The following COL4A6 variants were observed in gnomAD, a reference collection of about 807,000 sequenced individuals.
COL4A6 encodes the protein collagen type IV alpha 6 chain, also known as collagen alpha-6(IV) chain.
In COL4A6, 59 loss-of-function variants were observed where a neutral mutation model predicts 126.7. That is an observed-to-expected ratio of 0.47 (90% CI 0.38 to 0.58). The LOEUF is 0.58. COL4A6 is among the 20% of genes least tolerant of loss of function. COL4A6 has a pLI of 0.00. For synonymous variants in COL4A6, 547 were observed against 496.6 expected (o/e 1.10, Z -1.35); for missense variants, 1,285 against 1,337.3 (o/e 0.96, Z 0.61).
chrX:108,392,665 G>C (rs2040863831), intron 2 of COL4A6, among the ~76,000 whole-genome samples: 1 of 111,313 alleles, frequency 9.0e-6, no homozygotes, highest in African/African-American at 3.3e-5. Flanking sequence ...CCCAAGGTAA[G>C]GATATTAGGA....
intron 3 of COL4A6, among the ~76,000 whole-genome samples, chrX:108,279,430 C>A (rs1474703048): frequency 8.9e-6 from 1 of 111,952 alleles, no homozygotes; most frequent in East Asian, 2.8e-4. Flanking sequence ...ATCAATTCAA[C>A]AAGAAGAGCT....
rs200326654 is a variant in COL4A6 at position 108,162,996 on chromosome X, G to A, written c.4112C>T (p.Ala1371Val). Residue 1371 changes from alanine to valine, a missense_variant, in exon 41 of 45, where the codon GCA becomes GTA. Transcript: ENST00000334504. Reference sequence around the variant, plus strand: ...TCCAGGAGGAACCTGGACAGCTTCTGCAGTTGGTGTTTGTCCAGGATCACC... The same window carrying A: ...TCCAGGAGGAACCTGGACAGCTTCTACAGTTGGTGTTTGTCCAGGATCACC... The part of the protein sequence containing the change: ...LQGDPGQTPT[A>V]EAVQVPPGPL... 1.7e-6 allele frequency: 2 copies of A among 1,198,695 alleles called. No homozygotes were observed. The highest frequency in any genetic ancestry group is 2.2e-6 in the Non-Finnish European group (2 of 890,751).
chrX:108,427,393 A>C (rs2064105572), intron 2 of COL4A6, among the ~76,000 whole-genome samples: 1 of 112,325 alleles, frequency 8.9e-6, no homozygotes, highest in African/African-American at 3.2e-5. Flanking sequence ...ACAGAAAGAC[A>C]AAAGAAGAGG....
chrX:108,176,743 C>A, intron 28 of COL4A6, 98 bp downstream of exon 28: 1 of 936,173 alleles, frequency 1.1e-6, no homozygotes, highest in South Asian at 2.4e-5. Context: ...AAGTCCCTCC[C>A]CATTTCCCAT....
chrX:108,165,262 C>T (rs1490308540), intron 38 of COL4A6, 108 bp downstream of exon 38: 14 of 787,105 alleles, frequency 1.8e-5, no homozygotes, highest in Admixed American at 1.5e-4. Flanking sequence ...AAGCCAAACA[C>T]GCCCACATAT....
chrX:108,368,971 A>T (rs2040265576), intron 2 of COL4A6, among the ~76,000 whole-genome samples: 1 of 111,807 alleles, frequency 8.9e-6, no homozygotes, highest in African/African-American at 3.3e-5. Context: ...TTTACAGTAA[A>T]CTTTTTTGTT....
chrX:108,308,997 C>T (rs980776102), intron 3 of COL4A6, among the ~76,000 whole-genome samples: 3 of 111,269 alleles, frequency 2.7e-5, no homozygotes, highest in African/African-American at 3.3e-5. Context: ...CTTAAGGACA[C>T]GTTAAGTTTA....
intron 3 of COL4A6, among the ~76,000 whole-genome samples, chrX:108,231,956 G>T (rs1326281195): frequency 8.9e-6 from 1 of 111,865 alleles, no homozygotes; most frequent in African/African-American, 3.3e-5. Flanking sequence ...TGGTCAGTGG[G>T]TAATGGTTAG....
chrX:108,277,496 C>G (rs774494846), intron 3 of COL4A6, among the ~76,000 whole-genome samples: 1 of 112,642 alleles, frequency 8.9e-6, no homozygotes, highest in Admixed American at 9.3e-5. Flanking sequence ...GAAGCTCGAA[C>G]TGGGTGGAGC....
intron 13 of COL4A6, among the ~76,000 whole-genome samples, chrX:108,198,939 G>C (rs745539636): frequency 2.1e-4 from 23 of 111,201 alleles, no homozygotes; most frequent in African/African-American, 6.9e-4. Flanking sequence ...CTAGTCCCTT[G>C]AACAGAGGGC....
intron 22 of COL4A6, 68 bp from the exon 23 acceptor site, chrX:108,187,347 C>T (rs1233462747): frequency 1.1e-6 from 1 of 898,376 alleles, no homozygotes; most frequent in African/African-American, 2.0e-5. Flanking sequence ...CCTCTGACTA[C>T]AGGAAAGAGG....
At chrX:108,193,912 A>G (rs1386703011) in intron 16 of COL4A6, among the ~76,000 whole-genome samples, 1 of 112,854 alleles carries the variant, frequency 8.9e-6, no homozygotes, top group Non-Finnish European at 1.9e-5. Flanking sequence ...TTCAATTGGA[A>G]ACCTGTCAAG....
At position 108,194,602 on chromosome X, in the gene COL4A6, T is replaced by C. The variant is rs1357961136; in HGVS notation, c.949-15A>G. ...CCTTTCTTGCCCTGTGACAGAAACATAGTTACCACTAAGTGGAAAGTATGA... is the reference window on the plus strand; with the variant it reads ...CCTTTCTTGCCCTGTGACAGAAACACAGTTACCACTAAGTGGAAAGTATGA... On this transcript the variant is annotated splice_polypyrimidine_tract_variant and intron_variant, in intron 15 of 44. Transcript: ENST00000334504. 8.3e-7 allele frequency: 1 copy of C among 1,198,748 alleles called. No homozygotes were observed. Among genetic ancestry groups the C allele is most frequent in the African/African-American group, 1.8e-5 (1 of 56,761 alleles).
chrX:108,161,805 G>T, intron 41 of COL4A6, 70 bp from the exon 42 acceptor site: 1 of 686,953 alleles, frequency 1.5e-6, no homozygotes, highest in Non-Finnish European at 2.3e-6. Context: ...CCAGGAAAGG[G>T]GACTTATGTG....
chrX:108,331,700 T>C (rs1276075136), intron 2 of COL4A6, among the ~76,000 whole-genome samples: 4 of 111,274 alleles, frequency 3.6e-5, no homozygotes, highest in African/African-American at 1.3e-4. Flanking sequence ...AGGGAAGAGA[T>C]GACGTTGCTG....
rs182432265 is a variant in COL4A6 at position 108,220,998 on chromosome X, G to A, written c.279+242C>T. The A allele has an allele frequency of 7.3e-3, 2,890 of 396,907 alleles. 26 individuals carry two copies. The highest frequency in any genetic ancestry group is 7.5e-3 in the Non-Finnish European group (1,607 of 213,932). 32.7% of individuals were successfully genotyped at this position (396,907 alleles called of 1,213,427 possible). A position where few individuals can be genotyped will look rare whatever the true frequency, so the allele number is the denominator to read the frequency against. ...CTGTAATCCCAGCTACTTGGAAGGT[G>A]GAGGCAGGAGAATCATTTGAACCCA... On this transcript the variant is annotated intron_variant, in intron 4 of 44. Transcript: ENST00000334504.
intron 3 of COL4A6, among the ~76,000 whole-genome samples, chrX:108,298,476 A>G (rs1332108): frequency 0.37 from 40,206 of 109,840 alleles, 6,671 homozygotes; most frequent in East Asian, 0.73. Flanking sequence ...GGGCGGCCTC[A>G]CCACTGACCC....
At chrX:108,226,330 A>G (rs995244297) in intron 3 of COL4A6, among the ~76,000 whole-genome samples, 1 of 111,991 alleles carries the variant, frequency 8.9e-6, no homozygotes, top group Non-Finnish European at 1.9e-5. Context: ...TCAGTTGGAG[A>G]TGCACAGACA....
At chrX:108,408,586 C>G (rs1312740921) in intron 2 of COL4A6, among the ~76,000 whole-genome samples, 1 of 111,840 alleles carries the variant, frequency 8.9e-6, no homozygotes, top group African/African-American at 3.3e-5. Context: ...CTACGACTGT[C>G]AATCTTAGTA....
Sources: allele counts gnomAD v4.1 joint callset (sites outside exome capture counted in the v4.1 genomes callset), GRCh38; gene constraint gnomAD v4.1.1; transcripts MANE v1.5; gene names NCBI Gene and HGNC (gene_info 2026-07-23, HGNC 2026-07-21).